The following SLC25A13 variants were observed in gnomAD, a reference collection of about 807,000 sequenced individuals.
The protein encoded by SLC25A13 is electrogenic aspartate/glutamate antiporter SLC25A13, mitochondrial.
A neutral mutation model predicts 85.5 loss-of-function variants in SLC25A13; 70 were observed. The observed-to-expected ratio is 0.82, with a 90% CI of 0.68 to 1.00. SLC25A13 has a LOEUF of 1.00. Among genes scored for constraint, SLC25A13 ranks in the 50% least tolerant of loss-of-function variants. The pLI, the probability that SLC25A13 is intolerant of heterozygous loss-of-function variation, is 0.00. For synonymous variants in SLC25A13, 259 were observed against 288.7 expected (o/e 0.90, Z 1.04); for missense variants, 765 against 819.8 (o/e 0.93, Z 0.82).
At chr7:96,288,021 C>T (rs183497151) in intron 2 of SLC25A13, among the ~76,000 whole-genome samples, 1 of 152,304 alleles carries the variant, frequency 6.6e-6, no homozygotes, top group African/African-American at 2.4e-5. Flanking sequence ...AGACCTCATT[C>T]CAACCATGGT....
chr7:96,296,749 G>C, intron 2 of SLC25A13, 149 bp downstream of exon 2: 1 of 709,456 alleles, frequency 1.4e-6, no homozygotes, highest in Non-Finnish European at 2.4e-6. Flanking sequence ...CCAAAGTGCT[G>C]GGATTACAGG....
chr7:96,299,778 T>C (rs918291472), intron 1 of SLC25A13, among the ~76,000 whole-genome samples: 2 of 152,232 alleles, frequency 1.3e-5, no homozygotes, highest in African/African-American at 4.8e-5. Context: ...CAAACCTAGA[T>C]GGTGTAGCCT....
intron 4 of SLC25A13, among the ~76,000 whole-genome samples, chr7:96,220,952 C>A (rs1796104410): frequency 6.6e-6 from 1 of 152,176 alleles, no homozygotes; most frequent in Admixed American, 6.5e-5. Flanking sequence ...AACTGACATT[C>A]TTCCACCTTC....
intron 3 of SLC25A13, among the ~76,000 whole-genome samples, chr7:96,248,379 A>G (rs536025254): frequency 6.6e-6 from 1 of 152,336 alleles, no homozygotes; most frequent in East Asian, 1.9e-4. Flanking sequence ...GGGCAGCATC[A>G]AAGCTGTCCA....
chr7:96,147,100 CAGA>C (rs1792838076), intron 13 of SLC25A13, among the ~76,000 whole-genome samples: 64 of 126,680 alleles, frequency 5.1e-4, no homozygotes, highest in Non-Finnish European at 8.1e-4. Flanking sequence ...TGAGGAGACA[CAGA>C]ACGTATCCAA....
At chr7:96,296,214 C>A (rs943702180) in intron 2 of SLC25A13, among the ~76,000 whole-genome samples, 2 of 151,850 alleles carry the variant, frequency 1.3e-5, no homozygotes, top group Admixed American at 1.3e-4. Flanking sequence ...CAGGGAGAGA[C>A]AGTATAGTCC....
intron 15 of SLC25A13, among the ~76,000 whole-genome samples, chr7:96,122,293 T>C (rs1385283848): frequency 2.0e-5 from 3 of 152,216 alleles, no homozygotes; most frequent in African/African-American, 7.2e-5. Flanking sequence ...TCAATAACAC[T>C]ACTTCAAGTG....
In SLC25A13 at chr7:96,184,417, A is replaced by G. The variant is rs1794543673; in HGVS notation, c.1037T>C (p.Val346Ala). ...SVAGAVGATA[V>A]YPIDLVKTRM... ...AGTTTTTACAAGATCGATAGGATAC[A>G]CAGCAGTGGCTCCAACAGCTAAAAT... The change falls in exon 11 of 18, where the codon GTG (valine) becomes GCG (alanine). Residue 346 changes from valine to alanine, a missense_variant. Val to Ala is a moderately conservative substitution (Grantham distance 64). Coordinates refer to ENST00000265631, the MANE Select transcript of SLC25A13 (RefSeq NM_014251.3). 1 of 1,614,182 alleles carries G rather than the reference A, an allele frequency of 6.2e-7. No individual in the cohort carries two copies. Among genetic ancestry groups the G allele is most frequent in the South Asian group, 1.1e-5 (1 of 91,082 alleles).
At chr7:96,222,905 C>T (rs1398405513) in intron 4 of SLC25A13, among the ~76,000 whole-genome samples, 1 of 152,160 alleles carries the variant, frequency 6.6e-6, no homozygotes, top group African/African-American at 2.4e-5. Context: ...ATTATCATTA[C>T]ATTTTGAAGT....
intron 3 of SLC25A13, among the ~76,000 whole-genome samples, chr7:96,249,668 G>A (rs1015884251): frequency 2.0e-5 from 3 of 151,926 alleles, no homozygotes; most frequent in African/African-American, 7.3e-5. Context: ...TTTTTAAAAC[G>A]CAGGCCATTA....
chr7:96,234,745 G>T (rs201539251), intron 4 of SLC25A13, 57 bp downstream of exon 4: 5 of 1,261,578 alleles, frequency 4.0e-6, no homozygotes, highest in Non-Finnish European at 5.6e-6. Flanking sequence ...AAAAAAAAAA[G>T]AAAATGCTCA....
At chr7:96,181,202 C>T (rs1260124815) in intron 11 of SLC25A13, among the ~76,000 whole-genome samples, 1 of 152,146 alleles carries the variant, frequency 6.6e-6, no homozygotes, top group Non-Finnish European at 1.5e-5. Flanking sequence ...CTAAAACTTA[C>T]ACAAAAATAG....
chr7:96,314,879 C>T (rs1800074608), intron 1 of SLC25A13, among the ~76,000 whole-genome samples: 1 of 152,160 alleles, frequency 6.6e-6, no homozygotes, highest in African/African-American at 2.4e-5. Flanking sequence ...CTTTCCAACC[C>T]TCTATTTGCT....
chr7:96,292,031 T>A (rs563783790), intron 2 of SLC25A13, among the ~76,000 whole-genome samples: 2 of 152,286 alleles, frequency 1.3e-5, no homozygotes, highest in South Asian at 4.1e-4. Context: ...AAATCCTCAA[T>A]AAAATACTGG....
chr7:96,205,261 T>C (rs1795416582), intron 5 of SLC25A13, among the ~76,000 whole-genome samples: 3 of 152,230 alleles, frequency 2.0e-5, no homozygotes, highest in Admixed American at 6.5e-5. Context: ...GAAAAATTTC[T>C]CCAAATTATT....
intron 1 of SLC25A13, among the ~76,000 whole-genome samples, chr7:96,311,023 T>A (rs1274095848): frequency 1.3e-5 from 2 of 152,208 alleles, no homozygotes; most frequent in South Asian, 2.1e-4. Context: ...CCAATTGAAT[T>A]TTAATTGCCA....
chr7:96,176,894 T>G (rs944466831), intron 11 of SLC25A13, among the ~76,000 whole-genome samples: 1 of 152,178 alleles, frequency 6.6e-6, no homozygotes, highest in African/African-American at 2.4e-5. Flanking sequence ...TGGACAGACC[T>G]GGGCTAGAAT....
intron 4 of SLC25A13, chr7:96,219,572 T>C (rs1796024548): frequency 2.3e-6 from 1 of 432,010 alleles, no homozygotes. Flanking sequence ...CCATAAACTA[T>C]ACTCAGCCAT....
chr7:96,184,905 T>G (rs539240952), intron 10 of SLC25A13, 22 bp downstream of exon 10: 2 of 1,596,298 alleles, frequency 1.3e-6, no homozygotes, highest in African/African-American at 2.7e-5. Context: ...AAGTGAAAAT[T>G]TTTCTCTCAT....
Sources: gnomAD v4.1 joint callset for allele counts (sites outside exome capture counted in the v4.1 genomes callset) on GRCh38, gnomAD v4.1.1 for gene constraint, MANE v1.5 for transcripts, NCBI Gene and HGNC (gene_info 2026-07-23, HGNC 2026-07-21) for gene names.